Variants in KCNQ3 observed in about 807,000 individuals in gnomAD.
KCNQ3 encodes the protein potassium voltage-gated channel subfamily Q member 3.
Under a neutral mutation model 92.5 loss-of-function variants are expected in KCNQ3, and 30 were observed. That is an observed-to-expected ratio of 0.32 (90% CI 0.24 to 0.44). KCNQ3 has a LOEUF of 0.44. KCNQ3 is among the 20% of genes least tolerant of loss of function. KCNQ3 has a pLI of 1.00. For synonymous variants in KCNQ3, 450 were observed against 468.8 expected (o/e 0.96, Z 0.52); for missense variants, 913 against 1,140.3 (o/e 0.80, Z 2.87).
chr8:132,381,168 A>G (rs1031870156), intron 1 of KCNQ3, among the ~76,000 whole-genome samples: 1 of 152,198 alleles, frequency 6.6e-6, no homozygotes, highest in Non-Finnish European at 1.5e-5. Flanking sequence ...AGACAGGGAA[A>G]TTGAATCTCA....
chr8:132,464,987 A>G (rs942781494), intron 1 of KCNQ3, among the ~76,000 whole-genome samples: 3 of 152,206 alleles, frequency 2.0e-5, no homozygotes, highest in Admixed American at 6.5e-5. Context: ...CATTTTTTCC[A>G]AGAAATGTTT....
At chr8:132,183,267 C>T (rs1826851448) in intron 3 of KCNQ3, among the ~76,000 whole-genome samples, 1 of 152,150 alleles carries the variant, frequency 6.6e-6, no homozygotes, top group African/African-American at 2.4e-5. Context: ...GAAGACTCTT[C>T]TGGAGTAGAG....
intron 1 of KCNQ3, among the ~76,000 whole-genome samples, chr8:132,369,342 G>A (rs1053819493): frequency 6.6e-6 from 1 of 152,130 alleles, no homozygotes; most frequent in Non-Finnish European, 1.5e-5. Context: ...GGGGAGTTAT[G>A]TTCTACTTCC....
At chr8:132,426,760 A>G (rs1821123572) in intron 1 of KCNQ3, among the ~76,000 whole-genome samples, 1 of 152,200 alleles carries the variant, frequency 6.6e-6, no homozygotes, top group African/African-American at 2.4e-5. Flanking sequence ...ACAAATTCCT[A>G]TGGTCTCACT....
intron 1 of KCNQ3, among the ~76,000 whole-genome samples, chr8:132,473,299 A>C (rs963417955): frequency 3.9e-4 from 60 of 152,210 alleles, no homozygotes; most frequent in African/African-American, 1.4e-3. Context: ...AGTTGAAATC[A>C]GCATTGTCTA....
rs930003383 is a variant in KCNQ3, at chr8:132,451,003, C to T, written c.386+29144G>A. On this transcript the variant is annotated intron_variant, in intron 1 of 14. Coordinates refer to ENST00000388996, the MANE Select transcript of KCNQ3 (RefSeq NM_004519.4). ...GCCTTTCTGAAGAGCTTTTACTCAT[C>T]GCTCAAGATCAGTAATATGGTTTGG... 2.6e-5 allele frequency among the ~76,000 whole-genome samples: 4 copies of T among 152,312 alleles called. No individual in the cohort carries two copies. In the East Asian group the frequency reaches 5.8e-4, roughly 22 times the overall value.
chr8:132,435,820 G>A (rs1039036785), intron 1 of KCNQ3, among the ~76,000 whole-genome samples: 1 of 151,994 alleles, frequency 6.6e-6, no homozygotes, highest in Non-Finnish European at 1.5e-5. Context: ...TACAGGTGTG[G>A]GCCACCATTT....
At chr8:132,431,063 T>C (rs1821237745) in intron 1 of KCNQ3, among the ~76,000 whole-genome samples, 3 of 152,136 alleles carry the variant, frequency 2.0e-5, no homozygotes, top group Admixed American at 2.0e-4. Context: ...GCTCCTCATC[T>C]TCCATCTTTG....
At chr8:132,399,826 C>A (rs954395464) in intron 1 of KCNQ3, among the ~76,000 whole-genome samples, 2 of 152,196 alleles carry the variant, frequency 1.3e-5, no homozygotes, top group South Asian at 2.1e-4. Flanking sequence ...TCAGTTTCTC[C>A]TTCTGTAAAA....
chr8:132,287,583 G>A (rs1000543151), intron 1 of KCNQ3, among the ~76,000 whole-genome samples: 7 of 152,202 alleles, frequency 4.6e-5, no homozygotes, highest in Admixed American at 3.9e-4. Flanking sequence ...ATATTACTCA[G>A]CTATGAAAAG....
intron 1 of KCNQ3, among the ~76,000 whole-genome samples, chr8:132,277,068 A>AATT (rs1816356940): frequency 6.6e-6 from 1 of 152,078 alleles, no homozygotes; most frequent in Admixed American, 6.6e-5. Context: ...AATAAACAAT[A>AATT]ATTTTTAAAA....
chr8:132,465,320 T>C (rs985071866), intron 1 of KCNQ3, among the ~76,000 whole-genome samples: 2 of 152,352 alleles, frequency 1.3e-5, no homozygotes, highest in Admixed American at 6.5e-5. Flanking sequence ...CTCAGAATTA[T>C]GTCACCAGGA....
intron 3 of KCNQ3, among the ~76,000 whole-genome samples, chr8:132,183,048 C>G (rs971585689): frequency 3.3e-5 from 5 of 152,180 alleles, no homozygotes; most frequent in African/African-American, 9.6e-5. Flanking sequence ...GCTGCACAGA[C>G]AGAAGCCTGG....
At chr8:132,161,594 T>G (rs564363917) in intron 9 of KCNQ3, among the ~76,000 whole-genome samples, 11 of 150,748 alleles carry the variant, frequency 7.3e-5, no homozygotes, top group African/African-American at 2.4e-4. Context: ...ACTGTGCCAC[T>G]GCACTCCAGC....
chr8:132,147,978 C>T (rs1422576891), intron 9 of KCNQ3, among the ~76,000 whole-genome samples: 2 of 152,130 alleles, frequency 1.3e-5, no homozygotes, highest in East Asian at 3.9e-4. Flanking sequence ...CTGAGAGAGA[C>T]AGAGAAAGCA....
chr8:132,302,412 G>T (rs192337365), intron 1 of KCNQ3, among the ~76,000 whole-genome samples: 3 of 152,318 alleles, frequency 2.0e-5, no homozygotes, highest in Admixed American at 2.0e-4. Flanking sequence ...GGTCTTTCTT[G>T]TTGGCCACAA....
rs940267762 is a variant in KCNQ3, at chr8:132,206,593, G to A, written c.387-20412C>T. ...ATTTTATATTATTAAAGCATATCTA[G>A]AAGTTTGTCCATTTCTTCTAGATTT... On this transcript the variant is annotated intron_variant, in intron 1 of 14. Transcript: ENST00000388996. Among the ~76,000 whole-genome samples, 48 of 152,230 alleles carry A rather than the reference G, an allele frequency of 3.2e-4. 1 individual carries two copies. In the Middle Eastern group the frequency reaches 0.014, roughly 43 times the overall value.
At chr8:132,446,357 G>A (rs1052300691) in intron 1 of KCNQ3, among the ~76,000 whole-genome samples, 2 of 152,170 alleles carry the variant, frequency 1.3e-5, no homozygotes, top group African/African-American at 4.8e-5. Context: ...CTTGACCTGA[G>A]AGCACCCTGC....
rs570654424 is a variant in KCNQ3 at position 132,183,223 on chromosome 8, T to C, written c.604+1018A>G. ...CTGAGAATGCGTGATGTAAGGTAAGTTGAAGCCACTGATGACGTTGTTTCT... is the reference window on the plus strand; with the variant it reads ...CTGAGAATGCGTGATGTAAGGTAAGCTGAAGCCACTGATGACGTTGTTTCT... On this transcript the variant is annotated intron_variant, in intron 3 of 14. Coordinates refer to ENST00000388996, the MANE Select transcript of KCNQ3 (RefSeq NM_004519.4). 7.2e-5 allele frequency among the ~76,000 whole-genome samples: 11 copies of C among 152,302 alleles called. No homozygotes were observed. The East Asian group carries it at 2.1e-3, about 29-fold the overall frequency.
Sources: gnomAD v4.1 joint callset for allele counts (sites outside exome capture counted in the v4.1 genomes callset) on GRCh38, gnomAD v4.1.1 for gene constraint, MANE v1.5 for transcripts, NCBI Gene and HGNC (gene_info 2026-07-23, HGNC 2026-07-21) for gene names.